SHCBP1L: variants seen among roughly 807,000 people sequenced by gnomAD.
SHCBP1L encodes SHC binding and spindle associated 1 like, also known as testicular spindle-associated protein SHCBP1L.
Under a neutral mutation model 62.5 loss-of-function variants are expected in SHCBP1L, and 67 were observed. The ratio of observed to expected loss-of-function variants is 1.07; its 90% CI spans 0.88 to 1.31. The LOEUF (loss-of-function observed/expected upper bound fraction) is 1.31, where lower values mean the gene tolerates loss of function less well. Among genes scored for constraint, SHCBP1L ranks in the 40% most tolerant of loss-of-function variants. The probability of loss-of-function intolerance (pLI) is 0.00; values close to 1 mark genes in which losing one functional copy is unlikely to be tolerated. For missense variants in SHCBP1L, 823 were observed against 809.8 expected, an observed-to-expected ratio of 1.02 and a Z score of -0.20; for synonymous variants, 284 against 289.4, an observed-to-expected ratio of 0.98 and a Z score of 0.19.
At chr1:182,938,383 C>T (rs570267307) in intron 5 of SHCBP1L, among the ~76,000 whole-genome samples, 1 of 152,058 alleles carries the variant, frequency 6.6e-6, no homozygotes, top group African/African-American at 2.4e-5. Context: ...GGATGACAGG[C>T]GTGAGCCACC....
rs750128596 is a variant in SHCBP1L, at chr1:182,900,028, CTTA to C, written c.1914_1916del (p.Asn638del). The C allele has an allele frequency of 1.1e-5, 18 of 1,612,836 alleles. No homozygotes were observed. In the African/African-American group the frequency reaches 2.1e-4, roughly 19 times the overall value. The stretch of plus-strand genomic sequence containing the variant: ...TATCCCCCTTGACGTTTGCTTCTAT[CTTA>C]TTATTATTCATTTCCAGATTCAGAT... On this transcript the variant is annotated inframe_deletion, in exon 10 of 10. Coordinates refer to ENST00000367547, the MANE Select transcript of SHCBP1L (RefSeq NM_030933.4).
intron 2 of SHCBP1L, among the ~76,000 whole-genome samples, chr1:182,947,185 C>T (rs540052275): frequency 2.4e-4 from 35 of 145,544 alleles, no homozygotes; most frequent in Non-Finnish European, 4.2e-4. Flanking sequence ...TGCAGTGAGC[C>T]GAGATCGCGC....
rs769044410 is a variant in SHCBP1L, at chr1:182,938,438, C to T, written c.1076+738G>A. Among the ~76,000 whole-genome samples, 8 of 150,730 alleles carry T rather than the reference C, an allele frequency of 5.3e-5. No individual in the cohort carries two copies. In the Middle Eastern group the frequency reaches 0.01, roughly 196 times the overall value. ...TCTTTTATTTTTTTCTTTTAAGAGA[C>T]AGGGTCAAAAAAACAAACAAACAAC... is the stretch of plus-strand genomic sequence containing the variant. On this transcript the variant is annotated intron_variant, in intron 5 of 9. Transcript: ENST00000367547.
At chr1:182,941,353 A>C (rs1338925592) in intron 2 of SHCBP1L, among the ~76,000 whole-genome samples, 1 of 152,000 alleles carries the variant, frequency 6.6e-6, no homozygotes, top group South Asian at 2.1e-4. Context: ...CAGACATTTC[A>C]ATTTGTACAC....
At chr1:182,924,797 A>AAAGAGAGAGAAAGGAAGG (rs1650659574) in intron 6 of SHCBP1L, among the ~76,000 whole-genome samples, 14 of 122,784 alleles carry the variant, frequency 1.1e-4, no homozygotes, top group African/African-American at 5.3e-4. Flanking sequence ...AGAGAGAAAG[A>AAAGAGAGAGAAAGGAAGG]AAGGAAGGAA....
At chr1:182,938,364 A>G (rs1415688010) in intron 5 of SHCBP1L, among the ~76,000 whole-genome samples, 1 of 152,158 alleles carries the variant, frequency 6.6e-6, no homozygotes, top group Non-Finnish European at 1.5e-5. Context: ...TCGGCCTCCC[A>G]AAGTGCTGGG....
At chr1:182,920,893 C>G (rs572115462) in intron 6 of SHCBP1L, among the ~76,000 whole-genome samples, 1 of 152,068 alleles carries the variant, frequency 6.6e-6, no homozygotes, top group South Asian at 2.1e-4. Context: ...TGTAAAGAGA[C>G]CAAACCTACG....
intron 6 of SHCBP1L, among the ~76,000 whole-genome samples, chr1:182,908,607 A>G (rs1650088605): frequency 6.6e-6 from 1 of 152,192 alleles, no homozygotes; most frequent in Non-Finnish European, 1.5e-5. Flanking sequence ...TAATGTATCA[A>G]ACAGATATAT....
chr1:182,921,819 C>T (rs1650538038), intron 6 of SHCBP1L, among the ~76,000 whole-genome samples: 1 of 152,010 alleles, frequency 6.6e-6, no homozygotes, highest in African/African-American at 2.4e-5. Flanking sequence ...AGGCAAGAGG[C>T]AGAGAATGCA....
intron 6 of SHCBP1L, among the ~76,000 whole-genome samples, chr1:182,911,583 G>C (rs900202740): frequency 1.3e-5 from 2 of 152,134 alleles, no homozygotes; most frequent in Non-Finnish European, 2.9e-5. Context: ...TTTTAAGTGT[G>C]CACAAAGAGC....
At chr1:182,937,235 TTTTG>T (rs1461512091) in intron 5 of SHCBP1L, among the ~76,000 whole-genome samples, 3 of 152,162 alleles carry the variant, frequency 2.0e-5, no homozygotes, top group African/African-American at 7.2e-5. Flanking sequence ...AAACTCTCAG[TTTTG>T]TTTGTTTTGT....
chr1:182,944,645 C>T (rs1417979174), intron 2 of SHCBP1L, among the ~76,000 whole-genome samples: 1 of 152,016 alleles, frequency 6.6e-6, no homozygotes, highest in Non-Finnish European at 1.5e-5. Context: ...AAATAATATG[C>T]TTATATTGCT....
intron 6 of SHCBP1L, among the ~76,000 whole-genome samples, chr1:182,914,935 C>T (rs985081342): frequency 2.0e-5 from 3 of 151,776 alleles, no homozygotes; most frequent in Admixed American, 1.3e-4. Context: ...TTTGGGAGGG[C>T]GAGGTGGGCG....
chr1:182,924,406 T>C (rs1469641885), intron 6 of SHCBP1L, among the ~76,000 whole-genome samples: 2 of 151,362 alleles, frequency 1.3e-5, no homozygotes, highest in Non-Finnish European at 2.9e-5. Flanking sequence ...CATGCCATTC[T>C]CCTGCCTCAG....
At chr1:182,912,874 C>T (rs969694795) in intron 6 of SHCBP1L, among the ~76,000 whole-genome samples, 9 of 151,732 alleles carry the variant, frequency 5.9e-5, no homozygotes, top group South Asian at 2.1e-4. Context: ...CTGTGGCTCA[C>T]GCCTGTAATC....
intron 6 of SHCBP1L, among the ~76,000 whole-genome samples, chr1:182,924,941 A>G (rs1406298741): frequency 7.9e-6 from 1 of 126,988 alleles, no homozygotes; most frequent in Non-Finnish European, 1.6e-5. Context: ...GAAGGAAGAA[A>G]GAAAGAAAGA....
At position 182,940,510 on chromosome 1, in the gene SHCBP1L, G is replaced by T; in HGVS notation, c.589C>A (p.Arg197Ser). 2 of 1,613,878 alleles carry T rather than the reference G, an allele frequency of 1.2e-6. No individual in the cohort carries two copies. Among genetic ancestry groups the T allele is most frequent in the Non-Finnish European group, 1.7e-6 (2 of 1,179,876 alleles). The change falls in exon 3 of 10, where the codon CGT (arginine) becomes AGT (serine). Residue 197 changes from arginine (R) to serine (S), a missense_variant. Physicochemically the swap from Arg to Ser is moderately radical, Grantham distance 110. Transcript: ENST00000367547. Reference sequence around the variant, plus strand: ...GCAACAGAAACAGTAACTTTGAAACGAGATGATGAGTCTTGGTATGGTTCA... The same window carrying T: ...GCAACAGAAACAGTAACTTTGAAACTAGATGATGAGTCTTGGTATGGTTCA... ...TCEPYQDSSS[R>S]FKVTVSVAEP...
At chr1:182,940,577 GT>G in intron 2 of SHCBP1L, 34 bp from the exon 3 acceptor site, 1 of 1,560,116 alleles carries the variant, frequency 6.4e-7, no homozygotes, top group South Asian at 1.2e-5. Context: ...AAGAGATATA[GT>G]TATAAATATC....
Position 182,939,938 on chromosome 1 carries a change from CT to C in SHCBP1L, c.771-386del, listed in dbSNP as rs1379825375. 9.9e-5 allele frequency among the ~76,000 whole-genome samples: 15 copies of C among 151,736 alleles called. No homozygotes were observed. In the East Asian group the frequency reaches 2.9e-3, roughly 29 times the overall value. ...GATAGCTTCCCTCAAATTGTATCAA[CT>C]TATAAGAAGCAATCATAATGTGAAT... On this transcript the variant is annotated intron_variant, in intron 3 of 9. Coordinates refer to ENST00000367547, the MANE Select transcript of SHCBP1L (RefSeq NM_030933.4).
Sources: allele counts gnomAD v4.1 joint callset (sites outside exome capture counted in the v4.1 genomes callset), GRCh38; gene constraint gnomAD v4.1.1; transcripts MANE v1.5; gene names NCBI Gene and HGNC (gene_info 2026-07-23, HGNC 2026-07-21).